The following TUBD1 variants were observed in gnomAD, a reference collection of about 807,000 sequenced individuals.
The protein encoded by TUBD1 is tubulin delta chain.
In TUBD1, 38 loss-of-function variants were observed where a neutral mutation model predicts 51.2. The observed-to-expected ratio is 0.74, with a 90% CI of 0.57 to 0.97. The LOEUF (loss-of-function observed/expected upper bound fraction) is 0.97, where lower values mean the gene tolerates loss of function less well. TUBD1 is among the 50% of genes least tolerant of loss of function. TUBD1 has a pLI of 0.00. For missense variants in TUBD1, 489 were observed against 538.4 expected (o/e 0.91, Z 0.91); for synonymous variants, 169 against 178.2 (o/e 0.95, Z 0.41).
At chr17:59,881,547 T>C (rs141993455) in intron 3 of TUBD1, among the ~76,000 whole-genome samples, 1 of 152,344 alleles carries the variant, frequency 6.6e-6, no homozygotes, top group East Asian at 1.9e-4. Flanking sequence ...GCTGTACTTA[T>C]TTTGGGGGTA....
At chr17:59,887,294 C>T (rs953664912) in intron 2 of TUBD1, among the ~76,000 whole-genome samples, 11 of 152,076 alleles carry the variant, frequency 7.2e-5, no homozygotes, top group Non-Finnish European at 1.5e-4. Flanking sequence ...ATTGCTTGAA[C>T]CCAGGAGGCA....
rs144579598 is a variant in TUBD1 at position 59,890,874 on chromosome 17, T to C, written c.129A>G (p.Gln43=). Residue 43 remains glutamine (Q), a synonymous_variant, in exon 2 of 9, where the codon CAA becomes CAG. Coordinates refer to ENST00000325752, the MANE Select transcript of TUBD1 (RefSeq NM_016261.4). ...TGAAGAATCTTTCTTTGCAAGATGC[T>C]TGATATGCCTCATTCTCTCTCATAG... The part of the protein sequence containing the change: ...LCSMRENEAY[Q]ASCKERFFSE... 3.2e-4 allele frequency: 512 copies of C among 1,613,578 alleles called. 2 individuals are homozygous for C. In the African/African-American group the frequency reaches 4.7e-3, roughly 15 times the overall value.
intron 3 of TUBD1, among the ~76,000 whole-genome samples, chr17:59,882,929 CACAG>C (rs879648564): frequency 0.14 from 21,392 of 151,216 alleles, 1,642 homozygotes; most frequent in Middle Eastern, 0.18. Context: ...GGACCACAGG[CACAG>C]GCCGCCACGC....
chr17:59,870,372 CAAAAAAAAAAAAAAAAAAAAAA>C (rs530315478), intron 6 of TUBD1, among the ~76,000 whole-genome samples: 1 of 77,978 alleles, frequency 1.3e-5, no homozygotes, highest in Non-Finnish European at 2.6e-5. Context: ...CTCCATCTCA[CAAAAAAAAAAAAAAAAAAAAAA>C]AAAAAAAAAA....
intron 2 of TUBD1, among the ~76,000 whole-genome samples, chr17:59,887,473 G>A (rs543464266): frequency 6.6e-6 from 1 of 152,192 alleles, no homozygotes; most frequent in Admixed American, 6.6e-5. Flanking sequence ...ATCATATTTA[G>A]AGGTACAAAG....
At position 59,873,245 on chromosome 17, in the gene TUBD1, T is replaced by G. The variant is rs552433056; in HGVS notation, c.934+1294A>C. On this transcript the variant is annotated intron_variant, in intron 6 of 8. Coordinates refer to ENST00000325752, the MANE Select transcript of TUBD1 (RefSeq NM_016261.4). The stretch of plus-strand genomic sequence containing the variant: ...TTCATACCAGACATTACTTAAGTTG[T>G]TTTTTGTTGTTGTTTTTTTTTTGAG... Among the ~76,000 whole-genome samples the G allele has an allele frequency of 5.2e-4, 34 of 64,786 alleles. 1 individual carries two copies. In the South Asian group the frequency reaches 0.01, roughly 20 times the overall value. 42.5% of individuals were successfully genotyped at this position (64,786 alleles called of 152,430 possible). A position where few individuals can be genotyped will look rare whatever the true frequency, so the allele number is the denominator to read the frequency against.
chr17:59,874,751 T>C (rs968784678), intron 5 of TUBD1, 48 bp from the exon 6 acceptor site: 1 of 1,504,660 alleles, frequency 6.6e-7, no homozygotes, highest in Admixed American at 1.9e-5. Context: ...TTCTACATTG[T>C]TGCCAATAGT....
intron 3 of TUBD1, among the ~76,000 whole-genome samples, chr17:59,883,899 T>C (rs574364943): frequency 6.6e-6 from 1 of 152,168 alleles, no homozygotes; most frequent in South Asian, 2.1e-4. Context: ...TACCAGGTAG[T>C]TCTACAAGTT....
intron 5 of TUBD1, among the ~76,000 whole-genome samples, chr17:59,875,774 C>CT (rs1598536453): frequency 6.6e-6 from 1 of 151,844 alleles, no homozygotes; most frequent in East Asian, 1.9e-4. Context: ...ACATGAAACT[C>CT]TATTTGGAAA....
intron 5 of TUBD1, among the ~76,000 whole-genome samples, chr17:59,877,222 C>T (rs1291610603): frequency 6.6e-6 from 1 of 152,218 alleles, no homozygotes; most frequent in African/African-American, 2.4e-5. Flanking sequence ...TTCAATCAAT[C>T]AGTCTTCCTC....
intron 5 of TUBD1, among the ~76,000 whole-genome samples, chr17:59,877,121 A>G (rs965871064): frequency 9.2e-5 from 14 of 151,862 alleles, no homozygotes; most frequent in Admixed American, 1.3e-4. Context: ...CAGCCTCCCA[A>G]CGTGCTGGGA....
chr17:59,882,422 G>A (rs545361973), intron 3 of TUBD1, among the ~76,000 whole-genome samples: 2 of 151,984 alleles, frequency 1.3e-5, no homozygotes, highest in South Asian at 4.2e-4. Flanking sequence ...GAGTAGCTGG[G>A]ATTAAAGGTG....
chr17:59,866,660 T>TG lies in TUBD1; in HGVS notation c.1023dup (p.Ile342HisfsTer3). ...CCACGAAGAATGACCAAGTTAGCAA[T>TG]GGAAGTGTTAAAATGCAGGTCCTTG... On this transcript the variant is annotated frameshift_variant, in exon 7 of 9. Transcript: ENST00000325752. LOFTEE classifies it high-confidence loss of function. 1 of 1,614,046 alleles carries TG rather than the reference T, an allele frequency of 6.2e-7. No individual in the cohort carries two copies. Among genetic ancestry groups the TG allele is most frequent in the Non-Finnish European group, 8.5e-7 (1 of 1,179,996 alleles).
At chr17:59,883,550 G>A (rs770604139) in intron 3 of TUBD1, among the ~76,000 whole-genome samples, 1 of 151,970 alleles carries the variant, frequency 6.6e-6, no homozygotes, top group African/African-American at 2.4e-5. Context: ...GATGACAGGC[G>A]TGAGCCACTG....
chr17:59,880,596 G>A (rs1382601681), intron 4 of TUBD1, among the ~76,000 whole-genome samples: 1 of 151,880 alleles, frequency 6.6e-6, no homozygotes, highest in Admixed American at 6.6e-5. Context: ...CTCACTGCAA[G>A]CTCCGCCTCA....
chr17:59,889,654 G>A (rs1411555495), intron 2 of TUBD1, among the ~76,000 whole-genome samples: 1 of 132,650 alleles, frequency 7.5e-6, no homozygotes, highest in Non-Finnish European at 1.6e-5. Context: ...GGGTGACAGA[G>A]CTAGACTCTG....
intron 3 of TUBD1, among the ~76,000 whole-genome samples, chr17:59,882,459 G>T (rs907164889): frequency 6.6e-6 from 1 of 151,490 alleles, no homozygotes; most frequent in Admixed American, 6.6e-5. Context: ...GCTGATTTTT[G>T]TATTTTTAGT....
intron 4 of TUBD1, 150 bp from the exon 5 acceptor site, chr17:59,878,484 G>C: frequency 2.0e-6 from 1 of 507,696 alleles, no homozygotes; most frequent in South Asian, 2.6e-5. Flanking sequence ...TCTATGCTCA[G>C]TTTCCTTTTT....
At chr17:59,875,302 CCT>C (rs2040178177) in intron 5 of TUBD1, among the ~76,000 whole-genome samples, 1 of 151,088 alleles carries the variant, frequency 6.6e-6, no homozygotes, top group Non-Finnish European at 1.5e-5. Context: ...GTCTCGATCC[CCT>C]GATCTCATGA....
Sources: allele counts gnomAD v4.1 joint callset (sites outside exome capture counted in the v4.1 genomes callset), GRCh38; gene constraint gnomAD v4.1.1; transcripts MANE v1.5; gene names NCBI Gene and HGNC (gene_info 2026-07-23, HGNC 2026-07-21).